Variants in CUX1 observed in about 807,000 individuals in gnomAD.
CUX1 encodes protein CASP.
Under a neutral mutation model 158.8 loss-of-function variants are expected in CUX1, and 31 were observed. The observed-to-expected ratio is 0.20, with a 90% CI of 0.15 to 0.26. The LOEUF (loss-of-function observed/expected upper bound fraction) is 0.26. Among genes scored for constraint, CUX1 ranks in the 10% least tolerant of loss-of-function variants. The pLI is 1.00. For synonymous variants in CUX1, 879 were observed against 862.1 expected (o/e 1.02, Z -0.34); for missense variants, 1,589 against 2,014.6 (o/e 0.79, Z 4.04).
chr7:102,047,393 A>G (rs1585410137), intron 3 of CUX1, among the ~76,000 whole-genome samples: 2 of 150,362 alleles, frequency 1.3e-5, no homozygotes, highest in Admixed American at 6.6e-5. Flanking sequence ...AGAAGGATGG[A>G]TGGATAGATG....
chr7:102,143,378 C>G (rs1834670236), intron 8 of CUX1, among the ~76,000 whole-genome samples: 1 of 152,200 alleles, frequency 6.6e-6, no homozygotes, highest in Non-Finnish European at 1.5e-5. Context: ...AAACGATCCA[C>G]CCACATCAGT....
intron 16 of CUX1, chr7:102,274,396 A>T: frequency 8.3e-7 from 1 of 1,203,410 alleles, no homozygotes; most frequent in Non-Finnish European, 1.2e-6. Context: ...ATCCCCAAAG[A>T]GTAGTCCCTT....
intron 20 of CUX1, among the ~76,000 whole-genome samples, chr7:102,210,969 A>G (rs1208127265): frequency 3.3e-5 from 5 of 152,206 alleles, no homozygotes; most frequent in Non-Finnish European, 7.4e-5. Context: ...ACAGCCAGGA[A>G]CACGTGTCCA....
chr7:102,169,779 TG>T (rs1193386367), intron 9 of CUX1, among the ~76,000 whole-genome samples: 4 of 152,170 alleles, frequency 2.6e-5, no homozygotes, highest in African/African-American at 9.7e-5. Flanking sequence ...AGGCAAATGA[TG>T]GAAAAGTCCA....
intron 21 of CUX1, among the ~76,000 whole-genome samples, chr7:102,282,104 C>G (rs893422964): frequency 1.3e-5 from 2 of 152,186 alleles, no homozygotes; most frequent in Non-Finnish European, 2.9e-5. Flanking sequence ...GGACCCACCC[C>G]ATTGGGACCT....
At chr7:102,129,998 T>C (rs1402920076) in intron 8 of CUX1, among the ~76,000 whole-genome samples, 4 of 152,172 alleles carry the variant, frequency 2.6e-5, no homozygotes, top group African/African-American at 9.7e-5. Context: ...ATGAAAAGTT[T>C]CCTATAGGAA....
chr7:102,214,829 T>A (rs77668668), intron 20 of CUX1, among the ~76,000 whole-genome samples: 279 of 152,374 alleles, frequency 1.8e-3, no homozygotes, highest in African/African-American at 6.4e-3. Context: ...TGCGTTTACT[T>A]CTTCCCTTTG....
chr7:102,023,202 G>A (rs557198979), intron 2 of CUX1, among the ~76,000 whole-genome samples: 1 of 152,252 alleles, frequency 6.6e-6, no homozygotes, highest in South Asian at 2.1e-4. Flanking sequence ...GTGACAGAGC[G>A]AGACTCCATC....
rs1554547990 is a variant in CUX1 at position 102,277,564 on chromosome 7, C to T, written c.1564-385C>T. Among the ~76,000 whole-genome samples the T allele has an allele frequency of 3.3e-5, 5 of 151,720 alleles. No homozygotes were observed. The South Asian group carries it at 6.3e-4, about 19-fold the overall frequency. ...TGAGCCGAGATTGATTGCGTCGTTG[C>T]ACTCCAGCCTGGGCAACAAGAGCGA... On this transcript the variant is annotated intron_variant, in intron 17 of 22. Transcript: ENST00000292538.
intron 15 of CUX1, among the ~76,000 whole-genome samples, chr7:102,197,827 G>T (rs538399778): frequency 2.6e-5 from 4 of 152,108 alleles, no homozygotes; most frequent in Non-Finnish European, 4.4e-5. Flanking sequence ...CATTGTTCAC[G>T]GTCCATTAGT....
chr7:101,953,192 C>T (rs917452224), intron 2 of CUX1, among the ~76,000 whole-genome samples: 6 of 152,184 alleles, frequency 3.9e-5, no homozygotes, highest in Non-Finnish European at 7.3e-5. Flanking sequence ...CTGTGACTCA[C>T]TGATTGATTA....
intron 3 of CUX1, among the ~76,000 whole-genome samples, chr7:102,061,680 A>G (rs1286055237): frequency 6.6e-6 from 1 of 152,198 alleles, no homozygotes; most frequent in Non-Finnish European, 1.5e-5. Flanking sequence ...TGCCTACCAC[A>G]TGGGCATGGC....
downstream of CUX1, among the ~76,000 whole-genome samples, chr7:102,262,733 G>A (rs1790496320): frequency 6.6e-6 from 1 of 152,214 alleles, no homozygotes; most frequent in Non-Finnish European, 1.5e-5. Flanking sequence ...GCCCCAGCCT[G>A]GGAGACCCTG....
At chr7:102,217,867 G>T (rs909630252) in intron 20 of CUX1, among the ~76,000 whole-genome samples, 2 of 146,684 alleles carry the variant, frequency 1.4e-5, no homozygotes, top group Non-Finnish European at 2.9e-5. Flanking sequence ...GGAGGCTCTG[G>T]ATGGATGCGA....
At chr7:102,203,924 G>A (rs1563402992) in intron 18 of CUX1, among the ~76,000 whole-genome samples, 1 of 152,160 alleles carries the variant, frequency 6.6e-6, no homozygotes, top group South Asian at 2.1e-4. Context: ...CTAAATGCTG[G>A]CCTGGCTCAG....
At chr7:102,091,323 T>C (rs1228210190) in intron 4 of CUX1, among the ~76,000 whole-genome samples, 2 of 151,834 alleles carry the variant, frequency 1.3e-5, no homozygotes, top group Non-Finnish European at 2.9e-5. Flanking sequence ...GCTTTTTTTT[T>C]CTTTTCTTTT....
chr7:102,105,214 C>CAA (rs1390218740), intron 6 of CUX1, among the ~76,000 whole-genome samples: 1 of 149,688 alleles, frequency 6.7e-6, no homozygotes, highest in Admixed American at 6.7e-5. Context: ...CACACACACA[C>CAA]AGACTCTCTG....
At chr7:101,821,851 T>TG in intron 1 of CUX1, among the ~76,000 whole-genome samples, 2 of 138,120 alleles carry the variant, frequency 1.4e-5, no homozygotes, top group Non-Finnish European at 3.1e-5. Context: ...GTTTTTTTGT[T>TG]TTTTTGTTTT....
intron 8 of CUX1, among the ~76,000 whole-genome samples, chr7:102,128,171 A>G (rs1478637556): frequency 2.0e-5 from 3 of 152,216 alleles, no homozygotes; most frequent in Non-Finnish European, 4.4e-5. Flanking sequence ...TCCCAAGGCC[A>G]TCATCAGACA....
Sources: allele counts gnomAD v4.1 joint callset (sites outside exome capture counted in the v4.1 genomes callset), GRCh38; gene constraint gnomAD v4.1.1; transcripts MANE v1.5; gene names NCBI Gene and HGNC (gene_info 2026-07-23, HGNC 2026-07-21).